Variants in PEMT observed in about 807,000 individuals in gnomAD.
PEMT encodes the protein phospholipid methyltransferase.
Under a neutral mutation model 27.4 loss-of-function variants are expected in PEMT, and 23 were observed. That is an observed-to-expected ratio of 0.84 (90% CI 0.60 to 1.19). The LOEUF (loss-of-function observed/expected upper bound fraction) is 1.19, where lower values mean the gene tolerates loss of function less well. Ranked by LOEUF, PEMT falls within the 50% of genes most tolerant of loss-of-function variation. PEMT has a pLI of 0.00. For missense variants in PEMT, 307 were observed against 310.1 expected, an observed-to-expected ratio of 0.99 and a Z score of 0.07; for synonymous variants, 137 against 139.1, an observed-to-expected ratio of 0.98 and a Z score of 0.11.
Position 17,521,388 on chromosome 17 carries a change from A to G in PEMT, c.320+892T>C, listed in dbSNP as rs70963003. Among the ~76,000 whole-genome samples, 345 of 152,314 alleles carry G rather than the reference A, an allele frequency of 2.3e-3. 3 individuals carry two copies. Among genetic ancestry groups the G allele is most frequent in the African/African-American group, 7.7e-3 (321 of 41,568 alleles). On this transcript the variant is annotated intron_variant, in intron 3 of 6. Transcript: ENST00000255389. Reference sequence around the variant, plus strand: ...CTGCATCCCCAGGTCGCCTGCAGCCATCACATTCCACGCAGGTGGGCCTTG... The same window carrying G: ...CTGCATCCCCAGGTCGCCTGCAGCCGTCACATTCCACGCAGGTGGGCCTTG...
chr17:17,522,160 G>A, intron 3 of PEMT, 120 bp downstream of exon 3: 1 of 714,480 alleles, frequency 1.4e-6, no homozygotes. Flanking sequence ...GTGGCTTTGA[G>A]AGCTAACCCC....
At chr17:17,580,467 A>G (rs1911907008) in intron 1 of PEMT, among the ~76,000 whole-genome samples, 1 of 151,078 alleles carries the variant, frequency 6.6e-6, no homozygotes. Context: ...ACAGAACGAG[A>G]CTCCGTCTCA....
chr17:17,536,888 C>T (rs1343356443), intron 2 of PEMT, among the ~76,000 whole-genome samples: 1 of 152,204 alleles, frequency 6.6e-6, no homozygotes, highest in East Asian at 1.9e-4. Context: ...TCGGGTCTGG[C>T]CCAGTCTGAG....
rs1386244320 is a variant in PEMT, at chr17:17,505,563, T to C, written c.*228A>G. 8 of 400,902 alleles carry C rather than the reference T, an allele frequency of 2.0e-5. No homozygotes were observed. Among genetic ancestry groups the C allele is most frequent in the Non-Finnish European group, 3.5e-5 (8 of 227,754 alleles). The allele number at this position is 400,902 out of a possible 1,614,324, so 24.8% of individuals were successfully genotyped here. A position where few individuals can be genotyped will look rare whatever the true frequency, so the allele number is the denominator to read the frequency against. On this transcript the variant is annotated 3_prime_UTR_variant, in exon 7 of 7. Coordinates refer to ENST00000255389, the MANE Select transcript of PEMT (RefSeq NM_148172.3). ...AGACAGACAGAGGCTGGAGCAGATG[T>C]TGGGGTCAGGGTGCCTTTATTGGTG...
chr17:17,550,434 T>C (rs1909570449), intron 2 of PEMT, among the ~76,000 whole-genome samples: 1 of 152,148 alleles, frequency 6.6e-6, no homozygotes, highest in African/African-American at 2.4e-5. Context: ...TCAAGGGGTG[T>C]GTGCACAAGC....
chr17:17,512,670 G>A lies in PEMT; in HGVS notation c.321-16C>T, dbSNP rs758964835. ...CTGCGTGAAGCTGTGGGCAGGGGATGGAGAGGGAGGACGTCATGGCCAGGG... is the reference window on the plus strand; with the variant it reads ...CTGCGTGAAGCTGTGGGCAGGGGATAGAGAGGGAGGACGTCATGGCCAGGG... On this transcript the variant is annotated splice_polypyrimidine_tract_variant and intron_variant, in intron 3 of 6. Coordinates refer to ENST00000255389, the MANE Select transcript of PEMT (RefSeq NM_148172.3). The surrounding 1 kb of genome is among the most constrained non-coding windows in gnomAD (Gnocchi z 6.3). 1 of 1,502,992 alleles carries A rather than the reference G, an allele frequency of 6.7e-7. No individual in the cohort carries two copies. Among genetic ancestry groups the A allele is most frequent in the South Asian group, 1.3e-5 (1 of 75,802 alleles). The allele number at this position is 1,502,992 out of a possible 1,614,324, so 93.1% of individuals were successfully genotyped here. A position where few individuals can be genotyped will look rare whatever the true frequency, so the allele number is the denominator to read the frequency against.
At chr17:17,553,079 G>A (rs762343006) in intron 2 of PEMT, among the ~76,000 whole-genome samples, 45 of 152,214 alleles carry the variant, frequency 3.0e-4, no homozygotes, top group Admixed American at 6.5e-4. Flanking sequence ...AAGGTGCCTG[G>A]CCGGCTGGGG....
At chr17:17,553,066 G>A (rs1909778812) in intron 2 of PEMT, among the ~76,000 whole-genome samples, 1 of 152,222 alleles carries the variant, frequency 6.6e-6, no homozygotes, top group African/African-American at 2.4e-5. Context: ...CCATTTAGGT[G>A]TGAAGGTGCC....
intron 2 of PEMT, among the ~76,000 whole-genome samples, chr17:17,550,344 G>A (rs912816423): frequency 3.1e-4 from 47 of 152,298 alleles, no homozygotes; most frequent in African/African-American, 1.1e-3. Flanking sequence ...CGATTAGGTC[G>A]AATTTGAAAC....
intron 2 of PEMT, among the ~76,000 whole-genome samples, chr17:17,543,854 C>T (rs1333529466): frequency 2.0e-5 from 3 of 152,222 alleles, no homozygotes; most frequent in African/African-American, 4.8e-5. Flanking sequence ...TGAGCCACGG[C>T]GCCCAGCCAG....
At chr17:17,576,762 G>A (rs1049928845) in intron 2 of PEMT, among the ~76,000 whole-genome samples, 158 bp downstream of exon 2, 9 of 152,196 alleles carry the variant, frequency 5.9e-5, no homozygotes, top group Non-Finnish European at 8.8e-5. Flanking sequence ...GGCAGGAAGC[G>A]CCTAGTACTC....
In PEMT at chr17:17,506,227, T is replaced by G; in HGVS notation, c.653A>C (p.Glu218Ala). The G allele has an allele frequency of 6.4e-7, 1 of 1,568,398 alleles. No individual in the cohort carries two copies. The highest frequency in any genetic ancestry group is 8.7e-7 in the Non-Finnish European group (1 of 1,155,090). Residue 218 changes from glutamate to alanine, a missense_variant and splice_region_variant, in exon 6 of 7, where the codon GAG (glutamate) becomes GCG (alanine). Transcript: ENST00000255389. ...CCCACCCGCCGCAGCCCCTACTCAC[T>G]CTTCGTATAGGAGAGCCACTATGTA... Reference protein sequence around the residue: ...LTYIVALLYEEPFTAEIYRQK... With the variant: ...LTYIVALLYEAPFTAEIYRQK...
chr17:17,515,438 G>A (rs909472244), intron 3 of PEMT, among the ~76,000 whole-genome samples: 5 of 152,138 alleles, frequency 3.3e-5, no homozygotes, highest in Admixed American at 6.5e-5. Context: ...CTGCTCCTCC[G>A]CCTACGGCCC....
rs1019642564 is a variant in PEMT, at chr17:17,513,362, C to T, written c.321-708G>A. Among the ~76,000 whole-genome samples, 8 of 152,228 alleles carry T rather than the reference C, an allele frequency of 5.3e-5. No individual in the cohort carries two copies. Among genetic ancestry groups the T allele is most frequent in the East Asian group, 3.9e-4 (2 of 5,180 alleles). On this transcript the variant is annotated intron_variant, in intron 3 of 6. Transcript: ENST00000255389. The surrounding 1 kb of genome is among the most constrained non-coding windows in gnomAD (Gnocchi z 4.1). ...CTGCAATCCCAGCACTTTGGGAGGC[C>T]GAGGTGGGCGGGTCACCTGAGGTCA... is the stretch of plus-strand genomic sequence containing the variant.
At chr17:17,554,465 T>G (rs1456256348) in intron 2 of PEMT, among the ~76,000 whole-genome samples, 1 of 152,194 alleles carries the variant, frequency 6.6e-6, no homozygotes, top group African/African-American at 2.4e-5. Flanking sequence ...GCCAACAGCG[T>G]GGGCAGCTTG....
intron 2 of PEMT, among the ~76,000 whole-genome samples, chr17:17,541,673 A>G (rs1032998052): frequency 2.6e-5 from 4 of 152,228 alleles, no homozygotes; most frequent in Non-Finnish European, 4.4e-5. Context: ...AAATATTTTG[A>G]TATCTGTGCT....
At chr17:17,525,560 C>T (rs557027666) in intron 2 of PEMT, among the ~76,000 whole-genome samples, 146 of 152,338 alleles carry the variant, frequency 9.6e-4, no homozygotes, top group African/African-American at 3.5e-3. Flanking sequence ...ACTCTGCTCT[C>T]ACTGCTCCTG....
intron 2 of PEMT, among the ~76,000 whole-genome samples, chr17:17,575,762 G>T (rs1911543075): frequency 6.6e-6 from 1 of 152,204 alleles, no homozygotes. Context: ...CCCCTCCCTT[G>T]TGGGCCGCCA....
At chr17:17,506,133 T>TCCTGAGCCTGC in intron 6 of PEMT, 94 bp downstream of exon 6, 2 of 1,157,020 alleles carry the variant, frequency 1.7e-6, no homozygotes, top group Non-Finnish European at 2.5e-6. Context: ...CGGCAGCCTG[T>TCCTGAGCCTGC]CCTGAGCCTG....
Sources: gnomAD v4.1 joint callset for allele counts (sites outside exome capture counted in the v4.1 genomes callset) on GRCh38, gnomAD v4.1.1 for gene constraint, Gnocchi (gnomAD v3.1) non-coding constraint, MANE v1.5 for transcripts, NCBI Gene and HGNC (gene_info 2026-07-23, HGNC 2026-07-21) for gene names.